RIMS2: variants seen among roughly 807,000 people sequenced by gnomAD.
RIMS2 encodes regulating synaptic membrane exocytosis 2, also known as regulating synaptic membrane exocytosis protein 2.
A neutral mutation model predicts 174.4 loss-of-function variants in RIMS2; 59 were observed. The ratio of observed to expected loss-of-function variants is 0.34; its 90% CI spans 0.27 to 0.42. The LOEUF (loss-of-function observed/expected upper bound fraction) is 0.42. Ranked by LOEUF, RIMS2 falls within the 10% of genes least tolerant of loss-of-function variation. The probability of loss-of-function intolerance (pLI) is 1.00; values close to 1 mark genes in which losing one functional copy is unlikely to be tolerated. For synonymous variants in RIMS2, 606 were observed against 572.5 expected (o/e 1.06, Z -0.84); for missense variants, 1,620 against 1,666.3 (o/e 0.97, Z 0.48).
At chr8:103,985,354 G>T (rs1162390746) in intron 16 of RIMS2, among the ~76,000 whole-genome samples, 1 of 151,212 alleles carries the variant, frequency 6.6e-6, no homozygotes, top group Non-Finnish European at 1.5e-5. Flanking sequence ...CGCGCCTGTA[G>T]TCCCAGCTAC....
intron 1 of RIMS2, among the ~76,000 whole-genome samples, chr8:103,639,957 T>C (rs2096188374): frequency 6.6e-6 from 1 of 151,968 alleles, no homozygotes; most frequent in African/African-American, 2.4e-5. Context: ...ATGTTGAGTC[T>C]TTCTATTCAT....
chr8:103,711,373 A>G (rs2097301223), intron 2 of RIMS2, among the ~76,000 whole-genome samples: 1 of 152,152 alleles, frequency 6.6e-6, no homozygotes, highest in South Asian at 2.1e-4. Flanking sequence ...TTTTGGCAAG[A>G]TTCTATTGCC....
At chr8:103,709,653 C>T (rs2097279741) in intron 2 of RIMS2, among the ~76,000 whole-genome samples, 1 of 152,080 alleles carries the variant, frequency 6.6e-6, no homozygotes, top group African/African-American at 2.4e-5. Context: ...TATTTTCTTT[C>T]TAATTCTTTT....
At chr8:103,666,282 GT>G (rs1335945803) in intron 1 of RIMS2, among the ~76,000 whole-genome samples, 1 of 152,172 alleles carries the variant, frequency 6.6e-6, no homozygotes, top group Non-Finnish European at 1.5e-5. Context: ...GTTGCAGTCT[GT>G]TTATACATCT....
chr8:103,783,661 C>CT (rs2098413989), intron 3 of RIMS2, among the ~76,000 whole-genome samples: 1 of 151,936 alleles, frequency 6.6e-6, no homozygotes, highest in Admixed American at 6.6e-5. Context: ...TTAATCCAGT[C>CT]TATCATTGTG....
chr8:103,660,037 T>A (rs1445172961), intron 1 of RIMS2, among the ~76,000 whole-genome samples: 1 of 152,194 alleles, frequency 6.6e-6, no homozygotes. Flanking sequence ...GGAGAGAAGA[T>A]CCTGTCCTTC....
chr8:104,158,652 T>C (rs951197686), intron 19 of RIMS2, among the ~76,000 whole-genome samples: 17 of 152,348 alleles, frequency 1.1e-4, no homozygotes, highest in African/African-American at 4.1e-4. Flanking sequence ...TGACCAGTGA[T>C]GATGAGCATT....
chr8:103,610,520 A>T (rs1191195809), intron 1 of RIMS2, among the ~76,000 whole-genome samples: 3 of 152,240 alleles, frequency 2.0e-5, no homozygotes, highest in Admixed American at 2.0e-4. Flanking sequence ...TGCCTACTTT[A>T]TTGCAGGTTT....
chr8:103,897,949 G>A (rs550621532), intron 4 of RIMS2, among the ~76,000 whole-genome samples: 5 of 151,760 alleles, frequency 3.3e-5, no homozygotes, highest in Non-Finnish European at 7.4e-5. Context: ...TGGCAATTGA[G>A]TCCAATCAAT....
chr8:104,202,759 A>G (rs942305353), intron 19 of RIMS2, among the ~76,000 whole-genome samples: 1 of 152,204 alleles, frequency 6.6e-6, no homozygotes, highest in African/African-American at 2.4e-5. Context: ...TTTAAATACT[A>G]TCTGTGAATA....
chr8:104,239,582 T>C (rs2099276082), intron 19 of RIMS2, among the ~76,000 whole-genome samples: 1 of 152,194 alleles, frequency 6.6e-6, no homozygotes, highest in African/African-American at 2.4e-5. Context: ...TGTGTATACT[T>C]TTTTAAATGT....
intron 3 of RIMS2, among the ~76,000 whole-genome samples, chr8:103,867,874 A>T (rs1405791173): frequency 6.6e-6 from 1 of 152,078 alleles, no homozygotes; most frequent in Non-Finnish European, 1.5e-5. Context: ...GTTGGTATAA[A>T]ACACTTTCTG....
intron 19 of RIMS2, among the ~76,000 whole-genome samples, chr8:104,150,220 A>G (rs2098678199): frequency 1.3e-5 from 2 of 152,146 alleles, no homozygotes. Context: ...TTTTTTTTAA[A>G]TTAGGAACCT....
chr8:103,560,299 C>A (rs751444883), intron 1 of RIMS2, among the ~76,000 whole-genome samples: 8 of 152,040 alleles, frequency 5.3e-5, no homozygotes, highest in African/African-American at 1.9e-4. Flanking sequence ...AATCACTGAA[C>A]CTGGGAGGTG....
intron 19 of RIMS2, among the ~76,000 whole-genome samples, chr8:104,108,273 A>G (rs571011198): frequency 5.9e-5 from 9 of 152,110 alleles, no homozygotes; most frequent in Admixed American, 4.6e-4. Context: ...TTGTTTTATC[A>G]TCCAGGCTGT....
intron 1 of RIMS2, among the ~76,000 whole-genome samples, chr8:103,654,088 T>C (rs2096492798): frequency 6.6e-6 from 1 of 152,068 alleles, no homozygotes; most frequent in Admixed American, 6.5e-5. Flanking sequence ...ACTATGGCAC[T>C]GAAGCTTAAA....
At chr8:103,888,076 T>C (rs772168043) in intron 4 of RIMS2, among the ~76,000 whole-genome samples, 34 of 151,452 alleles carry the variant, frequency 2.2e-4, no homozygotes, top group Non-Finnish European at 4.1e-4. Context: ...CTTGACCAGA[T>C]AGTATAAAAT....
chr8:103,915,423 T>A (rs952944060), intron 6 of RIMS2, 72 bp from the exon 10 acceptor site: 36 of 806,814 alleles, frequency 4.5e-5, no homozygotes, highest in Non-Finnish European at 6.8e-5. Flanking sequence ...TTCTAGGTAT[T>A]CTTTTACCTG....
intron 4 of RIMS2, among the ~76,000 whole-genome samples, chr8:103,908,142 A>G (rs2074892083): frequency 6.6e-6 from 1 of 151,176 alleles, no homozygotes; most frequent in South Asian, 2.1e-4. Flanking sequence ...CCCAGGTTCA[A>G]GAAATCCTCC....
Sources: allele counts gnomAD v4.1 joint callset (sites outside exome capture counted in the v4.1 genomes callset), GRCh38; gene constraint gnomAD v4.1.1; transcripts MANE v1.5; gene names NCBI Gene and HGNC (gene_info 2026-07-23, HGNC 2026-07-21).